Variants in UBAP1 observed in about 807,000 individuals in gnomAD.
The protein encoded by UBAP1 is ubiquitin-associated protein 1.
Under a neutral mutation model 39.0 loss-of-function variants are expected in UBAP1, and 5 were observed. The ratio of observed to expected loss-of-function variants is 0.13; its 90% CI spans 0.07 to 0.27. UBAP1 has a LOEUF of 0.27. Ranked by LOEUF, UBAP1 falls within the 10% of genes least tolerant of loss-of-function variation. UBAP1 has a pLI of 1.00. For synonymous variants in UBAP1, 211 were observed against 225.1 expected (o/e 0.94, Z 0.56); for missense variants, 490 against 608.1 (o/e 0.81, Z 2.04).
At chr9:34,247,356 T>C (rs535622607) in intron 4 of UBAP1, among the ~76,000 whole-genome samples, 1 of 152,334 alleles carries the variant, frequency 6.6e-6, no homozygotes, top group East Asian at 1.9e-4. Context: ...AAATCAGTCA[T>C]TTAATATCCC....
chr9:34,249,703 C>T (rs1375419028), intron 4 of UBAP1, 76 bp from the exon 5 acceptor site: 1 of 1,434,108 alleles, frequency 7.0e-7, no homozygotes, highest in Non-Finnish European at 9.7e-7. Context: ...AAATGCCAAC[C>T]CCTGGACTAG....
At chr9:34,212,699 A>G (rs1832085808) in intron 1 of UBAP1, among the ~76,000 whole-genome samples, 1 of 138,096 alleles carries the variant, frequency 7.2e-6, no homozygotes, top group South Asian at 2.5e-4. Flanking sequence ...ACAAGCAGCA[A>G]GATTGAAATG....
At chr9:34,185,730 C>T (rs1393119569) in intron 1 of UBAP1, among the ~76,000 whole-genome samples, 6 of 152,072 alleles carry the variant, frequency 3.9e-5, no homozygotes, top group Non-Finnish European at 8.8e-5. Flanking sequence ...CCTGTAATCC[C>T]AGCTACTCAG....
At chr9:34,195,263 G>T (rs1261450695) in intron 1 of UBAP1, among the ~76,000 whole-genome samples, 2 of 151,746 alleles carry the variant, frequency 1.3e-5, no homozygotes, top group Non-Finnish European at 2.9e-5. Context: ...TTAATCTAAG[G>T]TCAGAAAGAT....
chr9:34,214,858 G>A (rs1310747150), intron 1 of UBAP1, among the ~76,000 whole-genome samples: 1 of 152,118 alleles, frequency 6.6e-6, no homozygotes, highest in Non-Finnish European at 1.5e-5. Flanking sequence ...TATACAGATG[G>A]CCAACAAACA....
At chr9:34,181,589 C>A (rs1408832476) in intron 1 of UBAP1, among the ~76,000 whole-genome samples, 1 of 149,134 alleles carries the variant, frequency 6.7e-6, no homozygotes, top group Admixed American at 6.7e-5. Flanking sequence ...CCCGCCACCA[C>A]GCCCGGCTAA....
chr9:34,240,824 G>C (rs539672102), intron 3 of UBAP1, among the ~76,000 whole-genome samples: 1 of 152,234 alleles, frequency 6.6e-6, no homozygotes, highest in East Asian at 1.9e-4. Flanking sequence ...AAAATCTAGA[G>C]AGTTAATGCA....
chr9:34,251,304 C>A, intron 6 of UBAP1, 88 bp from the exon 7 acceptor site: 2 of 1,402,784 alleles, frequency 1.4e-6, no homozygotes, highest in Non-Finnish European at 2.0e-6. Flanking sequence ...TGCTCTCCCC[C>A]AGTCCCCGTC....
chr9:34,242,258 C>A (rs1833999856), intron 4 of UBAP1, 150 bp downstream of exon 4: 2 of 780,094 alleles, frequency 2.6e-6, no homozygotes, highest in Non-Finnish European at 2.0e-6. Flanking sequence ...CTTATTGTAG[C>A]CTCGACCTCC....
At chr9:34,199,901 C>CTTGCAAAGTACTGAG (rs1363239201) in intron 1 of UBAP1, among the ~76,000 whole-genome samples, 1 of 151,544 alleles carries the variant, frequency 6.6e-6, no homozygotes, top group African/African-American at 2.4e-5. Context: ...CTGCCTCGGC[C>CTTGCAAAGTACTGAG]TTGCAAAGTA....
chr9:34,185,507 C>T (rs1030372937), intron 1 of UBAP1, among the ~76,000 whole-genome samples: 19 of 152,098 alleles, frequency 1.2e-4, no homozygotes, highest in Non-Finnish European at 2.4e-4. Context: ...TGAGATCATG[C>T]CCCTGCACTC....
chr9:34,235,794 TA>T (rs1156242315), intron 3 of UBAP1, among the ~76,000 whole-genome samples: 2 of 151,944 alleles, frequency 1.3e-5, no homozygotes, highest in African/African-American at 4.8e-5. Flanking sequence ...CCATTTATGG[TA>T]AGTGCCCTAT....
intron 1 of UBAP1, among the ~76,000 whole-genome samples, chr9:34,184,499 C>T (rs1334516272): frequency 2.6e-5 from 4 of 150,966 alleles, no homozygotes; most frequent in Non-Finnish European, 5.9e-5. Context: ...GGCCTGGTGG[C>T]GGGCACCTGT....
At chr9:34,240,511 C>T (rs1482552958) in intron 3 of UBAP1, among the ~76,000 whole-genome samples, 1 of 152,132 alleles carries the variant, frequency 6.6e-6, no homozygotes, top group African/African-American at 2.4e-5. Flanking sequence ...GTCTGTTTCT[C>T]TTAAGTGTGC....
Position 34,241,644 on chromosome 9 carries a change from T to C in UBAP1, c.619T>C (p.Ser207Pro), listed in dbSNP as rs1344039244. 2 of 1,613,866 alleles carry C rather than the reference T, an allele frequency of 1.2e-6. No individual in the cohort carries two copies. The highest frequency in any genetic ancestry group is 2.7e-5 in the African/African-American group (2 of 74,854). ...DNNLPRGGSG[S>P]VLQDEEVLAS... ...TAACTTGCCCAGGGGAGGCTCTGGG[T>C]CTGTGTTACAGGATGAGGAGGTCCT... The change falls in exon 4 of 7, where the codon TCT becomes CCT. Residue 207 changes from serine to proline, a missense_variant. Ser to Pro is a moderately conservative substitution (Grantham distance 74, BLOSUM62 -1). This residue lies in a region of UBAP1 where 339 missense variants were observed against 390.0 expected (regional missense o/e 0.87). Transcript: ENST00000297661.
Position 34,250,964 on chromosome 9 carries a change from C to T in UBAP1, c.1368+205C>T, listed in dbSNP as rs1834474868. 4 of 578,456 alleles carry T rather than the reference C, an allele frequency of 6.9e-6. No homozygotes were observed. In the African/African-American group the frequency reaches 7.5e-5, roughly 11 times the overall value. The allele number at this position is 578,456 out of a possible 1,614,324, so 35.8% of individuals were successfully genotyped here. On this transcript the variant is annotated intron_variant, in intron 6 of 6. Transcript: ENST00000297661. ...GGTTGAAGCATTGGGTTGAAAACTTCAGAATCCCAGTGAAGGGAAGGGAAT... is the reference window on the plus strand; with the variant it reads ...GGTTGAAGCATTGGGTTGAAAACTTTAGAATCCCAGTGAAGGGAAGGGAAT...
At position 34,241,925 on chromosome 9, in the gene UBAP1, T is replaced by G. The variant is rs780469842; in HGVS notation, c.900T>G (p.Asn300Lys). ...GCCTCCGCAATGGCACGTTCCAGAATTCCCTAAAGCCTTCCACCCAAAGCA... is the reference window on the plus strand; with the variant it reads ...GCCTCCGCAATGGCACGTTCCAGAAGTCCCTAAAGCCTTCCACCCAAAGCA... ...TSCLRNGTFQ[N>K]SLKPSTQSSA... Residue 300 changes from asparagine to lysine, a missense_variant, in exon 4 of 7, where the codon AAT becomes AAG. Asn to Lys is a moderately conservative substitution (Grantham distance 94). Transcript: ENST00000297661. 6.2e-7 allele frequency: 1 copy of G among 1,614,160 alleles called. No individual in the cohort carries two copies. Among genetic ancestry groups the G allele is most frequent in the Admixed American group, 1.7e-5 (1 of 60,022 alleles).
chr9:34,190,675 C>G (rs1485882729), intron 1 of UBAP1, among the ~76,000 whole-genome samples: 1 of 148,206 alleles, frequency 6.7e-6, no homozygotes, highest in Non-Finnish European at 1.5e-5. Flanking sequence ...GCTCTGTTGC[C>G]CAGGCTGGAG....
At chr9:34,181,121 T>TA (rs1461081102) in intron 1 of UBAP1, among the ~76,000 whole-genome samples, 4 of 124,198 alleles carry the variant, frequency 3.2e-5, no homozygotes, top group South Asian at 3.1e-4. Context: ...GTTTTCTTTT[T>TA]TTTTTTTTTT....
Sources: gnomAD v4.1 joint callset for allele counts (sites outside exome capture counted in the v4.1 genomes callset) on GRCh38, gnomAD v4.1.1 for gene constraint, gnomAD v4.1.1 regional missense constraint, MANE v1.5 for transcripts, NCBI Gene and HGNC (gene_info 2026-07-23, HGNC 2026-07-21) for gene names.